The following MAN1C1 variants were observed in gnomAD, a reference collection of about 807,000 sequenced individuals.
MAN1C1 encodes the protein mannosyl-oligosaccharide 1,2-alpha-mannosidase IC.
MAN1C1 carries 49 observed loss-of-function variants against 71.5 expected under a neutral mutation model. That is an observed-to-expected ratio of 0.69 (90% CI 0.54 to 0.87). The LOEUF (loss-of-function observed/expected upper bound fraction) is 0.87. MAN1C1 is among the 40% of genes least tolerant of loss of function. The pLI is 0.00. For synonymous variants in MAN1C1, 352 were observed against 343.7 expected (o/e 1.02, Z -0.27); for missense variants, 743 against 835.0 (o/e 0.89, Z 1.36).
At chr1:25,649,607 C>G (rs1460797217) in intron 1 of MAN1C1, among the ~76,000 whole-genome samples, 1 of 152,204 alleles carries the variant, frequency 6.6e-6, no homozygotes, top group Non-Finnish European at 1.5e-5. Context: ...GGTCACTGGG[C>G]TGCCTTTCCC....
chr1:25,780,650 C>T, intron 9 of MAN1C1: 1 of 311,198 alleles, frequency 3.2e-6, no homozygotes, highest in Non-Finnish European at 6.0e-6. Flanking sequence ...GAACCCCGCC[C>T]AAACCTTCAC....
chr1:25,678,729 A>G (rs1292614999), intron 1 of MAN1C1, among the ~76,000 whole-genome samples: 2 of 152,178 alleles, frequency 1.3e-5, no homozygotes, highest in African/African-American at 4.8e-5. Flanking sequence ...ATGATGATGA[A>G]CCCACTTTCT....
At chr1:25,701,041 C>T (rs375677923) in intron 2 of MAN1C1, among the ~76,000 whole-genome samples, 1 of 152,228 alleles carries the variant, frequency 6.6e-6, no homozygotes, top group Non-Finnish European at 1.5e-5. Context: ...GGAGAAAAAG[C>T]GAACATGATA....
intron 2 of MAN1C1, among the ~76,000 whole-genome samples, chr1:25,742,394 G>A (rs536499256): frequency 4.4e-4 from 67 of 152,306 alleles, no homozygotes; most frequent in Middle Eastern, 6.8e-3. Flanking sequence ...TGATGGCCTC[G>A]GCAGCAGATA....
chr1:25,720,463 G>A (rs112806288), intron 2 of MAN1C1, among the ~76,000 whole-genome samples: 7,271 of 152,090 alleles, frequency 0.048, 573 homozygotes, highest in African/African-American at 0.17. Context: ...CACCCACCTC[G>A]GCCTCCCAAA....
rs1184995892 is a variant in MAN1C1 at position 25,746,095 on chromosome 1, A to G, written c.638-573A>G. 1.3e-5 allele frequency among the ~76,000 whole-genome samples: 2 copies of G among 152,068 alleles called. No homozygotes were observed. Among genetic ancestry groups the G allele is most frequent in the Admixed American group, 6.5e-5 (1 of 15,274 alleles). On this transcript the variant is annotated intron_variant, in intron 2 of 11. Coordinates refer to ENST00000374332, the MANE Select transcript of MAN1C1 (RefSeq NM_020379.4). The surrounding 1 kb of genome is among the most constrained non-coding windows in gnomAD (Gnocchi z 4.0). ...CGAAGTGGGTGGATCACTTGAGGCC[A>G]GGAGTTCAAGACCAGCCTGGCCAAC...
intron 4 of MAN1C1, 127 bp downstream of exon 4, chr1:25,749,462 A>T (rs2047183290): frequency 9.0e-6 from 6 of 664,420 alleles, no homozygotes; most frequent in Non-Finnish European, 1.5e-5. Flanking sequence ...GCCTGGGGCC[A>T]CCCAAGTCCA....
At chr1:25,676,894 A>C (rs2046076377) in intron 1 of MAN1C1, among the ~76,000 whole-genome samples, 2 of 152,076 alleles carry the variant, frequency 1.3e-5, no homozygotes, top group African/African-American at 4.8e-5. Context: ...GAACTGTCCA[A>C]CACAAACTTT....
chr1:25,661,030 C>T (rs1208600969), intron 1 of MAN1C1, among the ~76,000 whole-genome samples: 2 of 152,146 alleles, frequency 1.3e-5, no homozygotes, highest in South Asian at 2.1e-4. Flanking sequence ...CAAAACTTAC[C>T]ATCCAATTCA....
intron 5 of MAN1C1, among the ~76,000 whole-genome samples, chr1:25,755,346 A>T (rs978677572): frequency 2.6e-5 from 4 of 152,296 alleles, no homozygotes; most frequent in Middle Eastern, 3.4e-3. Context: ...TTTTTCACTC[A>T]TGCTCTCTCA....
At chr1:25,758,418 G>A (rs1446249529) in intron 5 of MAN1C1, among the ~76,000 whole-genome samples, 174 bp from the exon 6 acceptor site, 2 of 152,196 alleles carry the variant, frequency 1.3e-5, no homozygotes, top group Non-Finnish European at 2.9e-5. Flanking sequence ...CTTTATCTCA[G>A]TGTCCTCATC....
At chr1:25,767,872 CCCTCACATACATT>C in intron 7 of MAN1C1, among the ~76,000 whole-genome samples, 1 of 118,218 alleles carries the variant, frequency 8.5e-6, no homozygotes, top group East Asian at 2.8e-4. Flanking sequence ...CCACACACTC[CCCTCACATACATT>C]CACACTCCCC....
rs765098006 is a variant in MAN1C1 at position 25,618,115 on chromosome 1, A to AG, written c.324dup (p.Leu109AlafsTer20). The AG allele has an allele frequency of 2.6e-6, 4 of 1,513,146 alleles. No individual in the cohort carries two copies. In the South Asian group the frequency reaches 3.7e-5, roughly 14 times the overall value. The allele number at this position is 1,513,146 out of a possible 1,614,324, so 93.7% of individuals were successfully genotyped here. A position where few individuals can be genotyped will look rare whatever the true frequency, so the allele number is the denominator to read the frequency against. On this transcript the variant is annotated frameshift_variant, in exon 1 of 12. Coordinates refer to ENST00000374332, the MANE Select transcript of MAN1C1 (RefSeq NM_020379.4). LOFTEE classifies it high-confidence loss of function. ...GCTGGGCCAGTCCCCGCCGCAGGAA[A>AG]GGGGGGCTGCGGCGCACCCGCCCCA... is the stretch of plus-strand genomic sequence containing the variant.
In MAN1C1 at chr1:25,711,032, A is replaced by G. The variant is rs533414623; in HGVS notation, c.637+24496A>G. 6.6e-6 allele frequency among the ~76,000 whole-genome samples: 1 copy of G among 152,272 alleles called. No individual in the cohort carries two copies. The highest frequency in any genetic ancestry group is 2.4e-5 in the African/African-American group (1 of 41,550). On this transcript the variant is annotated intron_variant, in intron 2 of 11. Transcript: ENST00000374332. The surrounding 1 kb of genome is among the most constrained non-coding windows in gnomAD (Gnocchi z 4.3). ...ATGGCTTAAACAAAGACCATTTATT[A>G]TTTCTTGAGTCTGTGGGTCTTAGCT...
rs892551696 is a variant in MAN1C1, at chr1:25,725,129, C to T, written c.638-21539C>T. On this transcript the variant is annotated intron_variant, in intron 2 of 11. Transcript: ENST00000374332. This position sits in a 1 kb window ranked among gnomAD's most constrained non-coding sequence, Gnocchi z 4.8. ...CCTTTTGTCAAAGCACCATTAAAAC[C>T]CAGCTCTGGTCAATACCAATGTGGT... Among the ~76,000 whole-genome samples, 1 of 152,150 alleles carries T rather than the reference C, an allele frequency of 6.6e-6. No homozygotes were observed. Among genetic ancestry groups the T allele is most frequent in the Non-Finnish European group, 1.5e-5 (1 of 68,030 alleles).
At chr1:25,668,248 C>T (rs965449563) in intron 1 of MAN1C1, among the ~76,000 whole-genome samples, 1 of 152,038 alleles carries the variant, frequency 6.6e-6, no homozygotes, top group Non-Finnish European at 1.5e-5. Context: ...TTGGCCACCC[C>T]ACCCACTCAG....
At chr1:25,733,119 C>T (rs917715158) in intron 2 of MAN1C1, among the ~76,000 whole-genome samples, 10 of 152,168 alleles carry the variant, frequency 6.6e-5, no homozygotes, top group African/African-American at 2.4e-4. Context: ...TGTTCCTGGA[C>T]TGGTAAACAG....
intron 6 of MAN1C1, chr1:25,761,629 T>TC (rs780325392): frequency 7.0e-6 from 1 of 143,082 alleles, no homozygotes; most frequent in African/African-American, 2.6e-5. Flanking sequence ...TCTTTTTTTT[T>TC]TTTTTTTTTT....
intron 2 of MAN1C1, among the ~76,000 whole-genome samples, chr1:25,722,408 G>A (rs1469209862): frequency 6.6e-6 from 1 of 152,082 alleles, no homozygotes; most frequent in Non-Finnish European, 1.5e-5. Flanking sequence ...TTTTTAGTTA[G>A]ATCCCTGAGC....
Sources: allele counts gnomAD v4.1 joint callset (sites outside exome capture counted in the v4.1 genomes callset), GRCh38; gene constraint gnomAD v4.1.1; non-coding constraint Gnocchi (gnomAD v3.1); transcripts MANE v1.5; gene names NCBI Gene and HGNC (gene_info 2026-07-23, HGNC 2026-07-21).